FMN2: variants seen among roughly 807,000 people sequenced by gnomAD.
FMN2 encodes the protein formin 2, also known as formin-2.
A neutral mutation model predicts 142.3 loss-of-function variants in FMN2; 51 were observed. The ratio of observed to expected loss-of-function variants is 0.36; its 90% CI spans 0.29 to 0.45. The LOEUF (loss-of-function observed/expected upper bound fraction) is 0.45. Among genes scored for constraint, FMN2 ranks in the 20% least tolerant of loss-of-function variants. FMN2 has a pLI of 1.00. For synonymous variants in FMN2, 882 were observed against 869.8 expected, an observed-to-expected ratio of 1.01 and a Z score of -0.25; for missense variants, 1,936 against 2,122.8, an observed-to-expected ratio of 0.91 and a Z score of 1.73.
chr1:240,389,699 C>G (rs901939783), intron 14 of FMN2, among the ~76,000 whole-genome samples: 3 of 152,146 alleles, frequency 2.0e-5, no homozygotes, highest in African/African-American at 7.2e-5. Context: ...TGCCTGTAAT[C>G]TCAACACTTT....
chr1:240,159,180 T>A (rs140191823), intron 2 of FMN2, among the ~76,000 whole-genome samples: 2 of 151,534 alleles, frequency 1.3e-5, no homozygotes, highest in East Asian at 3.9e-4. Context: ...TTATAAAGAC[T>A]GCCTTTTTCT....
intron 1 of FMN2, among the ~76,000 whole-genome samples, chr1:240,118,177 C>T (rs933840485): frequency 2.0e-5 from 3 of 151,836 alleles, no homozygotes; most frequent in African/African-American, 4.8e-5. Context: ...GTGAGTGTTG[C>T]GGGGGTTGTG....
chr1:240,443,399 C>A (rs375663556), intron 16 of FMN2, among the ~76,000 whole-genome samples: 2 of 152,186 alleles, frequency 1.3e-5, no homozygotes, highest in Non-Finnish European at 2.9e-5. Context: ...CTGAGCAACA[C>A]AAAACATGTG....
At chr1:240,145,432 T>C (rs1249526640) in intron 2 of FMN2, 1 of 369,990 alleles carries the variant, frequency 2.7e-6, no homozygotes, top group East Asian at 4.3e-5. Context: ...AATATATATA[T>C]GTATATATTA....
intron 13 of FMN2, among the ~76,000 whole-genome samples, chr1:240,346,402 G>A (rs757381989): frequency 2.0e-5 from 3 of 151,752 alleles, no homozygotes; most frequent in Non-Finnish European, 4.4e-5. Context: ...CTTAAAATGC[G>A]GTAATATTTT....
intron 8 of FMN2, among the ~76,000 whole-genome samples, chr1:240,295,677 C>T (rs149780805): frequency 6.6e-6 from 1 of 152,222 alleles, no homozygotes; most frequent in African/African-American, 2.4e-5. Flanking sequence ...TTGATGGACA[C>T]TGGTTGGTTT....
intron 16 of FMN2, among the ~76,000 whole-genome samples, chr1:240,451,013 C>G (rs1572329154): frequency 6.6e-6 from 1 of 152,158 alleles, no homozygotes; most frequent in South Asian, 2.1e-4. Context: ...AGCCCTATCC[C>G]TTGGAGTTAT....
intron 6 of FMN2, among the ~76,000 whole-genome samples, chr1:240,228,318 AAAAAAAAAAAAAAAGAAAAAG>A (rs1558380390): frequency 2.1e-5 from 2 of 96,534 alleles, no homozygotes; most frequent in African/African-American, 1.2e-4. Flanking sequence ...AAAAAAAAAA[AAAAAAAAAAAAAAAGAAAAAG>A]AAAAAGAAAA....
chr1:240,247,846 A>G (rs1283095333), intron 6 of FMN2, among the ~76,000 whole-genome samples: 1 of 152,188 alleles, frequency 6.6e-6, no homozygotes, highest in East Asian at 1.9e-4. Context: ...TATTTATGAT[A>G]CATCATATTT....
At chr1:240,296,438 CTTTTTTTTTTTTTTT>C (rs772711130) in intron 8 of FMN2, among the ~76,000 whole-genome samples, 1 of 46,910 alleles carries the variant, frequency 2.1e-5, no homozygotes. Context: ...TCTTTGAGTG[CTTTTTTTTTTTTTTT>C]TTTTTTTTTA....
intron 2 of FMN2, among the ~76,000 whole-genome samples, chr1:240,169,126 G>T (rs533694845): frequency 6.6e-6 from 1 of 152,140 alleles, no homozygotes; most frequent in Admixed American, 6.5e-5. Flanking sequence ...CAGGAGAATC[G>T]CTTGAACCCG....
intron 4 of FMN2, among the ~76,000 whole-genome samples, chr1:240,198,157 A>G (rs1665985263): frequency 6.6e-6 from 1 of 152,190 alleles, no homozygotes. Context: ...CAATTAAGGG[A>G]TAGATTGCTT....
intron 7 of FMN2, among the ~76,000 whole-genome samples, chr1:240,270,697 C>T (rs752684586): frequency 6.6e-6 from 1 of 151,904 alleles, no homozygotes; most frequent in African/African-American, 2.4e-5. Flanking sequence ...ACAACATGGA[C>T]AAACCTAGAA....
intron 13 of FMN2, among the ~76,000 whole-genome samples, chr1:240,351,892 A>T (rs555880351): frequency 1.3e-5 from 2 of 150,020 alleles, no homozygotes. Flanking sequence ...GATGTCATGG[A>T]TGTGTATGAT....
chr1:240,377,417 T>A (rs1046121102), intron 14 of FMN2, among the ~76,000 whole-genome samples: 1 of 152,174 alleles, frequency 6.6e-6, no homozygotes, highest in Non-Finnish European at 1.5e-5. Context: ...CTGTAACAAA[T>A]TACCACAAAC....
intron 15 of FMN2, among the ~76,000 whole-genome samples, chr1:240,426,730 C>G (rs1318204578): frequency 6.6e-6 from 1 of 151,930 alleles, no homozygotes; most frequent in Non-Finnish European, 1.5e-5. Context: ...AAAAGATACC[C>G]TTTTATTTTA....
At chr1:240,366,219 A>T (rs1360911652) in intron 14 of FMN2, among the ~76,000 whole-genome samples, 1 of 152,218 alleles carries the variant, frequency 6.6e-6, no homozygotes, top group Non-Finnish European at 1.5e-5. Context: ...CCGGTCAGTC[A>T]GCTCTTCCAT....
chr1:240,246,267 G>A (rs1668080719), intron 6 of FMN2, among the ~76,000 whole-genome samples: 1 of 152,204 alleles, frequency 6.6e-6, no homozygotes, highest in South Asian at 2.1e-4. Flanking sequence ...GCATTCTGTT[G>A]TCCGTAACTT....
chr1:240,438,293 C>G, intron 16 of FMN2, 83 bp downstream of exon 16: 3 of 1,442,444 alleles, frequency 2.1e-6, no homozygotes, highest in Middle Eastern at 2.2e-4. Context: ...ATTTTCGTAG[C>G]CTGAAGAAAA....
Sources: allele counts gnomAD v4.1 joint callset (sites outside exome capture counted in the v4.1 genomes callset), GRCh38; gene constraint gnomAD v4.1.1; transcripts MANE v1.5; gene names NCBI Gene and HGNC (gene_info 2026-07-23, HGNC 2026-07-21).